PDPR: variants seen among roughly 807,000 people sequenced by gnomAD.
PDPR encodes pyruvate dehydrogenase phosphatase regulatory subunit.
A neutral mutation model predicts 102.2 loss-of-function variants in PDPR; 50 were observed. The observed-to-expected ratio is 0.49, with a 90% CI of 0.39 to 0.62. PDPR has a LOEUF of 0.62. Among genes scored for constraint, PDPR ranks in the 20% least tolerant of loss-of-function variants. The pLI, the probability that PDPR is intolerant of heterozygous loss-of-function variation, is 0.00. For synonymous variants in PDPR, 259 were observed against 406.0 expected, an observed-to-expected ratio of 0.64 and a Z score of 4.35; for missense variants, 625 against 1,098.2, an observed-to-expected ratio of 0.57 and a Z score of 6.09.
intron 10 of PDPR, among the ~76,000 whole-genome samples, chr16:70,137,422 G>A (rs1489907790): frequency 2.0e-5 from 3 of 152,250 alleles, no homozygotes; most frequent in African/African-American, 7.2e-5. Context: ...GTCACAAAAG[G>A]ACAAATACCG....
Position 70,162,220 on chromosome 16 carries a change from A to T in PDPR, c.*5341A>T, listed in dbSNP as rs1286951545. The stretch of plus-strand genomic sequence containing the variant: ...CTTTACTCTCCAGTCAACACTTGGG[A>T]CATATAAAAATGCCATTGTAACTAC... On this transcript the variant is annotated 3_prime_UTR_variant, in exon 19 of 19. Transcript: ENST00000288050. The T allele has an allele frequency of 6.6e-6, 1 of 152,460 alleles. No homozygotes were observed. The highest frequency in any genetic ancestry group is 2.4e-5 in the African/African-American group (1 of 41,474). The allele number at this position is 152,460 out of a possible 1,614,324, so 9.4% of individuals were successfully genotyped here.
rs767647727 is a variant in PDPR at position 70,148,586 on chromosome 16, A to C, written c.2052+33A>C. On this transcript the variant is annotated intron_variant, in intron 17 of 18. Transcript: ENST00000288050. ...GGCACCCTTCCCTTCCCTTCCCTTC[A>C]CTTCCCTTCCCTTCCCTTCCCTTCC... 7.9e-4 allele frequency: 1,140 copies of C among 1,444,412 alleles called. 3 individuals are homozygous for C. Among genetic ancestry groups the C allele is most frequent in the East Asian group, 5.8e-3 (244 of 42,220 alleles). The allele number at this position is 1,444,412 out of a possible 1,614,324, so 89.5% of individuals were successfully genotyped here.
At chr16:70,154,155 CA>C (rs373174907) in intron 18 of PDPR, among the ~76,000 whole-genome samples, 365 of 148,286 alleles carry the variant, frequency 2.5e-3, no homozygotes, top group Non-Finnish European at 1.1e-3. Flanking sequence ...GACTCCGTCT[CA>C]AAAAAAAAAA....
At chr16:70,151,313 C>T (rs1390382990) in intron 17 of PDPR, among the ~76,000 whole-genome samples, 1 of 152,274 alleles carries the variant, frequency 6.6e-6, no homozygotes, top group East Asian at 1.9e-4. Context: ...AAATGATCCT[C>T]TCATCTCAGC....
At chr16:70,133,021 C>T (rs1245608623) in intron 9 of PDPR, among the ~76,000 whole-genome samples, 2 of 151,938 alleles carry the variant, frequency 1.3e-5, no homozygotes, top group Non-Finnish European at 2.9e-5. Flanking sequence ...CTGTGTTGCC[C>T]AGGCTGGTCT....
chr16:70,146,002 C>G, intron 15 of PDPR, 132 bp from the exon 16 acceptor site: 1 of 886,786 alleles, frequency 1.1e-6, no homozygotes, highest in South Asian at 1.5e-5. Flanking sequence ...CTTGGAGTGT[C>G]TAAGCAAAGG....
downstream of PDPR, among the ~76,000 whole-genome samples, chr16:70,163,172 C>G (rs1341439288): frequency 2.0e-5 from 3 of 152,250 alleles, no homozygotes; most frequent in Admixed American, 6.5e-5. Context: ...GGTCTCAAAC[C>G]CCCAACCTCA....
At chr16:70,123,963 G>A (rs571712112) in intron 3 of PDPR, among the ~76,000 whole-genome samples, 3 of 152,206 alleles carry the variant, frequency 2.0e-5, no homozygotes, top group African/African-American at 4.8e-5. Flanking sequence ...GCTGAGGTAG[G>A]AAAATCACTT....
chr16:70,115,548 G>A (rs1173709367), intron 2 of PDPR, among the ~76,000 whole-genome samples: 2 of 152,216 alleles, frequency 1.3e-5, no homozygotes, highest in Non-Finnish European at 2.9e-5. Flanking sequence ...TTAAACAAGT[G>A]TCCCAGGTGG....
intron 6 of PDPR, among the ~76,000 whole-genome samples, 157 bp from the exon 7 acceptor site, chr16:70,130,266 C>A (rs1227706816): frequency 1.3e-5 from 2 of 152,244 alleles, no homozygotes; most frequent in African/African-American, 2.4e-5. Context: ...CCACCCTTGG[C>A]GACAAAGCAA....
rs1964426041 is a variant in PDPR at position 70,130,446 on chromosome 16, T to C, written c.631T>C (p.Ser211Pro). 6.2e-7 allele frequency: 1 copy of C among 1,613,762 alleles called. No individual in the cohort carries two copies. The highest frequency in any genetic ancestry group is 1.3e-5 in the African/African-American group (1 of 75,074). Residue 211 changes from serine (S) to proline (P), a missense_variant, in exon 7 of 19, where the codon TCT becomes CCT. Ser to Pro is a moderately conservative substitution (Grantham distance 74). Around this residue, in one of 11 missense-constraint regions of PDPR, gnomAD observed 35 missense variants for 63.5 expected, o/e 0.55. Coordinates refer to ENST00000288050, the MANE Select transcript of PDPR (RefSeq NM_017990.5). The stretch of plus-strand genomic sequence containing the variant: ...AGGTGTTCAGATCTATGACCGGACA[T>C]CTGTTCTTCATGTAATGGTCAAAAA... ...QNGVQIYDRTSVLHVMVKKGQ... is the reference protein window; with the variant it reads ...QNGVQIYDRTPVLHVMVKKGQ...
At position 70,120,532 on chromosome 16, in the gene PDPR, A is replaced by T; in HGVS notation, c.40A>T (p.Arg14Ter). 1 of 1,614,008 alleles carries T rather than the reference A, an allele frequency of 6.2e-7. No homozygotes were observed. The highest frequency in any genetic ancestry group is 8.5e-7 in the Non-Finnish European group (1 of 1,179,892). ...YRLLSIVGRQ[R>*]ASPGWQNWSS... is the part of the protein sequence containing the mutation. The stretch of plus-strand genomic sequence containing the variant: ...GTTGCTGTCGATTGTTGGAAGACAA[A>T]GAGCCAGCCCAGGATGGCAGAACTG... Residue 14 changes from arginine to a stop codon, truncating the protein, a stop_gained, in exon 3 of 19, where the codon AGA (arginine) becomes TGA (stop). Transcript: ENST00000288050. LOFTEE classifies it high-confidence loss of function.
At chr16:70,123,346 C>T (rs182357264) in intron 3 of PDPR, among the ~76,000 whole-genome samples, 1 of 152,380 alleles carries the variant, frequency 6.6e-6, no homozygotes, top group African/African-American at 2.4e-5. Flanking sequence ...AAGTGATCCT[C>T]CCACCACAGC....
intron 9 of PDPR, among the ~76,000 whole-genome samples, chr16:70,133,888 C>A (rs1040819323): frequency 6.6e-6 from 1 of 152,052 alleles, no homozygotes; most frequent in African/African-American, 2.4e-5. Context: ...CATGCGCCAC[C>A]ACGCCTGGCT....
chr16:70,147,435 G>A (rs1966326358), intron 16 of PDPR: 1 of 373,044 alleles, frequency 2.7e-6, no homozygotes, highest in Admixed American at 3.5e-5. Context: ...CATGCAGTGT[G>A]GCCTCTTTTC....
At chr16:70,133,266 C>T (rs372957288) in intron 9 of PDPR, among the ~76,000 whole-genome samples, 13 of 151,972 alleles carry the variant, frequency 8.6e-5, no homozygotes, top group South Asian at 6.3e-4. Flanking sequence ...GGATTACAAG[C>T]GCCTGCCACC....
At chr16:70,123,370 G>A (rs1262674645) in intron 3 of PDPR, among the ~76,000 whole-genome samples, 4 of 152,234 alleles carry the variant, frequency 2.6e-5, no homozygotes, top group African/African-American at 7.2e-5. Context: ...CTGAGTAGCT[G>A]GGACTACAGG....
downstream of PDPR, among the ~76,000 whole-genome samples, chr16:70,163,032 C>T (rs1201643671): frequency 1.3e-5 from 2 of 152,270 alleles, no homozygotes; most frequent in Non-Finnish European, 2.9e-5. Context: ...CTTACTGCAA[C>T]CTCCACTCCC....
At chr16:70,123,478 T>G (rs1963569302) in intron 3 of PDPR, among the ~76,000 whole-genome samples, 1 of 152,242 alleles carries the variant, frequency 6.6e-6, no homozygotes, top group South Asian at 2.1e-4. Context: ...GCTCAAGTGA[T>G]CCGCCCACCT....
Sources: gnomAD v4.1 joint callset for allele counts (sites outside exome capture counted in the v4.1 genomes callset) on GRCh38, gnomAD v4.1.1 for gene constraint, gnomAD v4.1.1 regional missense constraint, MANE v1.5 for transcripts, NCBI Gene and HGNC (gene_info 2026-07-23, HGNC 2026-07-21) for gene names.